TG: variants seen among roughly 807,000 people sequenced by gnomAD.
TG encodes thyroid hormones.
In TG, 270 loss-of-function variants were observed where a neutral mutation model predicts 324.7. The observed-to-expected ratio is 0.83, with a 90% CI of 0.75 to 0.92. The LOEUF (loss-of-function observed/expected upper bound fraction) is 0.92, where lower values mean the gene tolerates loss of function less well. Ranked by LOEUF, TG falls within the 40% of genes least tolerant of loss-of-function variation. TG has a pLI of 0.00. For synonymous variants in TG, 1,401 were observed against 1,327.0 expected (o/e 1.06, Z -1.21); for missense variants, 3,591 against 3,456.4 (o/e 1.04, Z -0.98).
intron 35 of TG, among the ~76,000 whole-genome samples, chr8:132,995,730 A>C (rs1160868360): frequency 2.6e-5 from 4 of 152,172 alleles, no homozygotes; most frequent in South Asian, 2.1e-4. Flanking sequence ...AATCAGATTC[A>C]ATCTGAGCCT....
At position 133,011,953 on chromosome 8, in the gene TG, A is replaced by G; in HGVS notation, c.6315A>G (p.Pro2105=). The change falls in exon 36 of 48, where the codon CCA becomes CCG. Residue 2105 remains proline (P), a synonymous_variant. Coordinates refer to ENST00000220616, the MANE Select transcript of TG (RefSeq NM_003235.5). ...CCCTCTCTTCAGTGGTTGTTGATCC[A>G]TCCATTAGGCACTTTGATGTTGCCC... The part of the protein sequence containing the change: ...SLALSSVVVD[P]SIRHFDVAHV... 1 of 1,614,170 alleles carries G rather than the reference A, an allele frequency of 6.2e-7. No homozygotes were observed. The highest frequency in any genetic ancestry group is 8.5e-7 in the Non-Finnish European group (1 of 1,180,026).
intron 28 of TG, among the ~76,000 whole-genome samples, chr8:132,962,366 G>A (rs1226362607): frequency 2.6e-5 from 4 of 152,158 alleles, no homozygotes; most frequent in Non-Finnish European, 5.9e-5. Context: ...GGGAGGTCCT[G>A]GGGTTGAAAC....
intron 41 of TG, chr8:133,046,351 C>T (rs1286555467): frequency 6.6e-6 from 1 of 152,264 alleles, no homozygotes; most frequent in Non-Finnish European, 1.5e-5. Flanking sequence ...CCTAGAGCCC[C>T]TATGGGATAT....
At chr8:132,917,388 A>ATGTG (rs34975986) in intron 20 of TG, among the ~76,000 whole-genome samples, 314 of 149,994 alleles carry the variant, frequency 2.1e-3, no homozygotes, top group South Asian at 4.4e-3. Flanking sequence ...GTGCATGTAT[A>ATGTG]TGTGTGTGTG....
At position 133,025,543 on chromosome 8, in the gene TG, T is replaced by C. The variant is rs1835992271; in HGVS notation, c.7036+3393T>C. Among the ~76,000 whole-genome samples the C allele has an allele frequency of 2.6e-5, 4 of 152,320 alleles. No individual in the cohort carries two copies. In the South Asian group the frequency reaches 8.3e-4, roughly 32 times the overall value. ...AAGATGCTTTGGTTGGGCACATGTGTTACCCTTGATGAGCCGATGGTGGTG... is the reference window on the plus strand; with the variant it reads ...AAGATGCTTTGGTTGGGCACATGTGCTACCCTTGATGAGCCGATGGTGGTG... On this transcript the variant is annotated intron_variant, in intron 40 of 47. Coordinates refer to ENST00000220616, the MANE Select transcript of TG (RefSeq NM_003235.5).
intron 22 of TG, among the ~76,000 whole-genome samples, chr8:132,926,619 G>A (rs777315850): frequency 2.0e-4 from 30 of 152,184 alleles, no homozygotes; most frequent in Non-Finnish European, 4.0e-4. Context: ...CTTCAGGGAA[G>A]GAGATTCTTC....
Position 132,893,687 on chromosome 8 carries a change from T to TA in TG, c.2762-2dup. 6.2e-7 allele frequency: 1 copy of TA among 1,613,758 alleles called. No individual in the cohort carries two copies. Among genetic ancestry groups the TA allele is most frequent in the Non-Finnish European group, 8.5e-7 (1 of 1,179,848 alleles). On this transcript the variant is annotated splice_polypyrimidine_tract_variant and splice_region_variant and intron_variant, in intron 10 of 47. Coordinates refer to ENST00000220616, the MANE Select transcript of TG (RefSeq NM_003235.5). ...TCCATCTGTGTTATTTTTATTCCCCTAGGTCCTGGCTCCTGTGAGGAAGCA... is the reference window on the plus strand; with the variant it reads ...TCCATCTGTGTTATTTTTATTCCCCTAAGGTCCTGGCTCCTGTGAGGAAGCA...
chr8:132,978,615 G>A (rs1830456136), intron 34 of TG, among the ~76,000 whole-genome samples: 1 of 152,196 alleles, frequency 6.6e-6, no homozygotes, highest in African/African-American at 2.4e-5. Flanking sequence ...GAGCATGAGA[G>A]AGGAACAGGA....
rs144875913 is a variant in TG, at chr8:133,022,120, C to T, written c.7006C>T (p.Arg2336Ter). 16 of 1,613,994 alleles carry T rather than the reference C, an allele frequency of 9.9e-6. No individual in the cohort carries two copies. The highest frequency in any genetic ancestry group is 6.6e-5 in the South Asian group (6 of 91,072). The change falls in exon 40 of 48, where the codon CGA (arginine) becomes TGA (stop). Residue 2336 changes from arginine (R) to a stop codon, truncating the protein, a stop_gained. Transcript: ENST00000220616. LOFTEE classifies it high-confidence loss of function. ...CCTCATCGTGGTCACTGCCAGCTAC[C>T]GAGTGGGTGTCTTCGGCTTCCTGAG... Reference protein sequence around the residue: ...GNLIVVTASYRVGVFGFLSSG... With the variant: ...GNLIVVTASY
intron 41 of TG, chr8:133,039,953 G>GCA (rs3835182): frequency 0.078 from 105,859 of 1,356,268 alleles, 2,771 homozygotes; most frequent in African/African-American, 0.35. Flanking sequence ...GCACTTGCAT[G>GCA]CACACACACA....
chr8:133,017,521 T>A (rs1328748213), intron 37 of TG, among the ~76,000 whole-genome samples: 1 of 152,196 alleles, frequency 6.6e-6, no homozygotes, highest in African/African-American at 2.4e-5. Flanking sequence ...TGGATCCATG[T>A]ATAGAAGGGA....
intron 34 of TG, among the ~76,000 whole-genome samples, chr8:132,973,481 C>A (rs1829800654): frequency 7.1e-6 from 1 of 140,696 alleles, no homozygotes; most frequent in South Asian, 2.1e-4. Flanking sequence ...ATGGCATTTA[C>A]AGTGTGGCAT....
At chr8:133,018,529 G>GTT (rs5895169) in intron 38 of TG, among the ~76,000 whole-genome samples, 3 of 147,802 alleles carry the variant, frequency 2.0e-5, no homozygotes, top group African/African-American at 4.9e-5. Context: ...AAAATTACAA[G>GTT]TTTTTTTTTT....
At chr8:133,118,320 C>CTTTTT (rs34171048) in intron 45 of TG, among the ~76,000 whole-genome samples, 16 of 88,952 alleles carry the variant, frequency 1.8e-4, no homozygotes, top group South Asian at 4.4e-4. Flanking sequence ...CAGATTCTTC[C>CTTTTT]TTTTTTTTTT....
At chr8:133,058,776 C>G (rs1157374813) in intron 41 of TG, among the ~76,000 whole-genome samples, 2 of 152,234 alleles carry the variant, frequency 1.3e-5, no homozygotes, top group African/African-American at 4.8e-5. Flanking sequence ...AGCACATGCT[C>G]TGTTCCACCT....
intron 41 of TG, among the ~76,000 whole-genome samples, chr8:133,042,263 C>A (rs546207306): frequency 6.6e-6 from 1 of 152,178 alleles, no homozygotes; most frequent in African/African-American, 2.4e-5. Flanking sequence ...TGGGTTCAGA[C>A]CCCCTGGTCT....
rs1343210796 is a variant in TG at position 132,906,856 on chromosome 8, G to A, written c.3803G>A (p.Ser1268Asn). 6.2e-7 allele frequency: 1 copy of A among 1,613,898 alleles called. No individual in the cohort carries two copies. The highest frequency in any genetic ancestry group is 8.5e-7 in the Non-Finnish European group (1 of 1,179,964). Reference protein sequence around the residue: ...PPGPLICSLESGRWESQLPQP... With the variant: ...PPGPLICSLENGRWESQLPQP... ...GGGCCATTGATATGTAGCCTGGAGA[G>A]CGGACGCTGGGAGTCACAGCTGCCT... The change falls in exon 17 of 48, where the codon AGC becomes AAC. Residue 1268 changes from serine (S) to asparagine (N), a missense_variant. Ser to Asn is a conservative substitution (Grantham distance 46). Coordinates refer to ENST00000220616, the MANE Select transcript of TG (RefSeq NM_003235.5).
chr8:133,050,030 T>C, intron 41 of TG: 1 of 1,270,484 alleles, frequency 7.9e-7, no homozygotes, highest in Non-Finnish European at 1.2e-6. Context: ...GATAGGTAAA[T>C]AGCAAAACCA....
intron 27 of TG, among the ~76,000 whole-genome samples, chr8:132,959,387 A>T (rs1827429177): frequency 6.6e-6 from 1 of 152,246 alleles, no homozygotes; most frequent in Non-Finnish European, 1.5e-5. Context: ...AGATTATAAG[A>T]TTAATGCATA....
Sources: gnomAD v4.1 joint callset for allele counts (sites outside exome capture counted in the v4.1 genomes callset) on GRCh38, gnomAD v4.1.1 for gene constraint, MANE v1.5 for transcripts, NCBI Gene and HGNC (gene_info 2026-07-23, HGNC 2026-07-21) for gene names.